RIPK1: variants seen among roughly 807,000 people sequenced by gnomAD.
The protein encoded by RIPK1 is receptor interacting serine/threonine kinase 1.
RIPK1 carries 27 observed loss-of-function variants against 62.4 expected under a neutral mutation model. The ratio of observed to expected loss-of-function variants is 0.43; its 90% CI spans 0.32 to 0.60. RIPK1 has a LOEUF of 0.60. Ranked by LOEUF, RIPK1 falls within the 20% of genes least tolerant of loss-of-function variation. RIPK1 has a pLI of 0.07. For missense variants in RIPK1, 735 were observed against 831.0 expected, an observed-to-expected ratio of 0.88 and a Z score of 1.42; for synonymous variants, 287 against 303.2, an observed-to-expected ratio of 0.95 and a Z score of 0.55.
At chr6:3,089,705 A>G (rs1759923255) in intron 7 of RIPK1, 48 bp downstream of exon 7, 3 of 998,426 alleles carry the variant, frequency 3.0e-6, no homozygotes, top group African/African-American at 1.6e-5. Context: ...CAAAATATAT[A>G]CTGTCAATCA....
intron 5 of RIPK1, among the ~76,000 whole-genome samples, chr6:3,084,090 T>C (rs1759563869): frequency 6.6e-6 from 1 of 152,166 alleles, no homozygotes; most frequent in Admixed American, 6.5e-5. Context: ...TCAAGATATA[T>C]GTATGACTCA....
rs768280757 is a variant in RIPK1 at position 3,085,380 on chromosome 6, G to A, written c.810G>A (p.Ala270=). ...GTCTCATGAAGCTCTGCTGGGAAGC[G>A]AATCCGGAAGCTCGGCCGACATTTC... ...IISLMKLCWE[A]NPEARPTFPG... Residue 270 remains alanine (A), a synonymous_variant, in exon 6 of 11, where the codon GCG becomes GCA. Transcript: ENST00000259808. 6.2e-6 allele frequency: 10 copies of A among 1,614,204 alleles called. No individual in the cohort carries two copies. The highest frequency in any genetic ancestry group is 4.0e-5 in the African/African-American group (3 of 75,062).
At chr6:3,096,938 T>G (rs1377986257) in intron 7 of RIPK1, among the ~76,000 whole-genome samples, 1 of 151,926 alleles carries the variant, frequency 6.6e-6, no homozygotes, top group Non-Finnish European at 1.5e-5. Flanking sequence ...AGGCGCAATC[T>G]CGGCTCACTG....
chr6:3,072,390 C>CATATATATAT lies in RIPK1; in HGVS notation c.-61+3735_-61+3744dup, dbSNP rs34461556. On this transcript the variant is annotated intron_variant, in intron 1 of 10. Coordinates refer to ENST00000259808, the MANE Select transcript of RIPK1 (RefSeq NM_001354930.2). The surrounding 1 kb of genome is among the most constrained non-coding windows in gnomAD (Gnocchi z 5.6). ...CTGTACTTATATCTTTATCTATTTA[C>CATATATATAT]ATATATATATATATAAAACACACAC... 7.9e-5 allele frequency among the ~76,000 whole-genome samples: 12 copies of CATATATATAT among 150,944 alleles called. No homozygotes were observed. Among genetic ancestry groups the CATATATATAT allele is most frequent in the South Asian group, 4.2e-4 (2 of 4,798 alleles).
intron 7 of RIPK1, among the ~76,000 whole-genome samples, chr6:3,097,618 A>G (rs948822853): frequency 1.3e-5 from 2 of 152,214 alleles, no homozygotes; most frequent in Non-Finnish European, 2.9e-5. Flanking sequence ...CAGAAATGTG[A>G]AAGATAAAAT....
At chr6:3,070,969 A>C (rs1158489132) in intron 1 of RIPK1, among the ~76,000 whole-genome samples, 2 of 152,246 alleles carry the variant, frequency 1.3e-5, no homozygotes, top group African/African-American at 4.8e-5. Context: ...CTTAGCTCCA[A>C]ATCTTAGTTT....
rs1003413687 is a variant in RIPK1 at position 3,113,883 on chromosome 6, G to A, written c.*544G>A. The A allele has an allele frequency of 1.3e-5, 2 of 152,664 alleles. No individual in the cohort carries two copies. The highest frequency in any genetic ancestry group is 2.9e-5 in the Non-Finnish European group (2 of 68,392). The allele number at this position is 152,664 out of a possible 1,614,324, so 9.5% of individuals were successfully genotyped here. The stretch of plus-strand genomic sequence containing the variant: ...AAAACAAAGTGCAGTCAGATTCTAA[G>A]CCCTGTTCAGAGACTTCGTGGATCA... On this transcript the variant is annotated 3_prime_UTR_variant, in exon 11 of 11. Transcript: ENST00000259808. This position sits in a 1 kb window ranked among gnomAD's most constrained non-coding sequence, Gnocchi z 5.0.
chr6:3,082,752 C>T (rs116764292), intron 4 of RIPK1, among the ~76,000 whole-genome samples: 38 of 152,276 alleles, frequency 2.5e-4, no homozygotes, highest in Non-Finnish European at 5.6e-4. Flanking sequence ...GAAAAACATA[C>T]GCAGAGTCAA....
intron 1 of RIPK1, among the ~76,000 whole-genome samples, chr6:3,073,213 G>A (rs564278628): frequency 1.4e-3 from 199 of 138,986 alleles, no homozygotes; most frequent in African/African-American, 4.7e-3. Flanking sequence ...ATACAAATAT[G>A]TGTATATATA....
intron 6 of RIPK1, among the ~76,000 whole-genome samples, chr6:3,085,986 C>T (rs1486888207): frequency 6.6e-6 from 1 of 152,200 alleles, no homozygotes; most frequent in Non-Finnish European, 1.5e-5. Flanking sequence ...TTTATCCATT[C>T]GTCCGTCTAT....
At chr6:3,101,490 T>C (rs1760585897) in intron 7 of RIPK1, among the ~76,000 whole-genome samples, 1 of 152,088 alleles carries the variant, frequency 6.6e-6, no homozygotes, top group African/African-American at 2.4e-5. Context: ...AAACAATATA[T>C]AGAATGCTAC....
intron 7 of RIPK1, among the ~76,000 whole-genome samples, chr6:3,095,732 T>A (rs999942800): frequency 6.6e-6 from 1 of 152,196 alleles, no homozygotes; most frequent in Non-Finnish European, 1.5e-5. Flanking sequence ...TAAAATGTAA[T>A]GTTTATTCAT....
chr6:3,095,230 A>G (rs1208152645), intron 7 of RIPK1, among the ~76,000 whole-genome samples: 1 of 152,236 alleles, frequency 6.6e-6, no homozygotes, highest in African/African-American at 2.4e-5. Context: ...GTCTTTAAAA[A>G]GTTCAATTTA....
chr6:3,067,598 G>GTT (rs34610901), upstream of RIPK1, among the ~76,000 whole-genome samples: 63,062 of 151,052 alleles, frequency 0.42, 15,809 homozygotes, highest in Non-Finnish European at 0.57. Flanking sequence ...TTTTAAGAGG[G>GTT]TTTTTTTTGG....
At chr6:3,076,371 A>T (rs752163436) in intron 1 of RIPK1, among the ~76,000 whole-genome samples, 1 of 152,142 alleles carries the variant, frequency 6.6e-6, no homozygotes, top group Admixed American at 6.5e-5. Context: ...AAAAGTTTTT[A>T]AAAATGATCT....
chr6:3,073,194 CATACACACATACAAATATGTGTATAT>C (rs1325387889), intron 1 of RIPK1, among the ~76,000 whole-genome samples: 7 of 150,358 alleles, frequency 4.7e-5, no homozygotes, highest in Admixed American at 2.7e-4. Context: ...ACAATATATG[CATACACACATACAAATATGTGTATAT>C]ATACACACAT....
chr6:3,090,497 G>T (rs1037661291), intron 7 of RIPK1, among the ~76,000 whole-genome samples: 28 of 152,058 alleles, frequency 1.8e-4, no homozygotes, highest in Admixed American at 8.5e-4. Context: ...AATGATAAAA[G>T]GCCCAATTCA....
intron 7 of RIPK1, among the ~76,000 whole-genome samples, chr6:3,099,349 C>G (rs980489866): frequency 6.6e-6 from 1 of 152,110 alleles, no homozygotes; most frequent in Non-Finnish European, 1.5e-5. Flanking sequence ...TCGAGACCAT[C>G]CTGGCTAACA....
chr6:3,109,432 G>A (rs1448633095), intron 9 of RIPK1, among the ~76,000 whole-genome samples: 1 of 152,088 alleles, frequency 6.6e-6, no homozygotes, highest in Non-Finnish European at 1.5e-5. Context: ...GTGAAAGGAA[G>A]ATCAGAGACA....
Sources: allele counts gnomAD v4.1 joint callset (sites outside exome capture counted in the v4.1 genomes callset), GRCh38; gene constraint gnomAD v4.1.1; non-coding constraint Gnocchi (gnomAD v3.1); transcripts MANE v1.5; gene names NCBI Gene and HGNC (gene_info 2026-07-23, HGNC 2026-07-21).